The following GSTP1 variants were observed in gnomAD, a reference collection of about 807,000 sequenced individuals.
GSTP1 encodes glutathione S-transferase P.
Under a neutral mutation model 29.4 loss-of-function variants are expected in GSTP1, and 28 were observed. The observed-to-expected ratio is 0.95, with a 90% CI of 0.71 to 1.30. GSTP1 has a LOEUF of 1.30. Among genes scored for constraint, GSTP1 ranks in the 50% most tolerant of loss-of-function variants. The probability of loss-of-function intolerance (pLI) is 0.00; values close to 1 mark genes in which losing one functional copy is unlikely to be tolerated. For missense variants in GSTP1, 267 were observed against 266.1 expected (o/e 1.00, Z -0.02); for synonymous variants, 122 against 117.0 (o/e 1.04, Z -0.28).
In GSTP1 at chr11:67,586,214, G is replaced by A. The variant is rs77993400; in HGVS notation, c.444+3G>A. On this transcript the variant is annotated splice_donor_region_variant and intron_variant, in intron 6 of 6. Coordinates refer to ENST00000398606, the MANE Select transcript of GSTP1 (RefSeq NM_000852.4). ...AGACCTTCATTGTGGGAGACCAGGTGAGCATCTGGCCCCATGCTGTTCCTT... is the reference window on the plus strand; with the variant it reads ...AGACCTTCATTGTGGGAGACCAGGTAAGCATCTGGCCCCATGCTGTTCCTT... The A allele has an allele frequency of 1.2e-6, 2 of 1,602,958 alleles. No individual in the cohort carries two copies. Among genetic ancestry groups the A allele is most frequent in the Non-Finnish European group, 1.7e-6 (2 of 1,170,278 alleles).
At chr11:67,584,032 G>T in intron 1 of GSTP1, 102 bp from the exon 2 acceptor site, 3 of 952,810 alleles carry the variant, frequency 3.1e-6, no homozygotes, top group Admixed American at 2.1e-5. Flanking sequence ...AGCGCCTCGG[G>T]GAGGGATGGG....
At chr11:67,584,400 C>G (rs1867429438) in intron 2 of GSTP1, 64 bp from the exon 3 acceptor site, 1 of 904,786 alleles carries the variant, frequency 1.1e-6, no homozygotes, top group Non-Finnish European at 1.7e-6. Context: ...CCTGACCCCT[C>G]CCCGGGTTGC....
intron 2 of GSTP1, 125 bp downstream of exon 2, chr11:67,584,294 C>T: frequency 2.6e-6 from 2 of 784,130 alleles, no homozygotes; most frequent in Non-Finnish European, 4.1e-6. Flanking sequence ...CCCGGGCCTC[C>T]TTCCTGTTCC....
intron 3 of GSTP1, 42 bp downstream of exon 3, chr11:67,584,612 T>A: frequency 1.9e-6 from 3 of 1,571,706 alleles, no homozygotes; most frequent in East Asian, 4.5e-5. Context: ...GTGCTGGGCC[T>A]TAGGGGGCTG....
chr11:67,585,075 C>G (rs968844666), intron 4 of GSTP1, 63 bp from the exon 5 acceptor site: 12 of 1,075,172 alleles, frequency 1.1e-5, no homozygotes, highest in Admixed American at 1.1e-4. Context: ...TGGCCCATCC[C>G]CAGTGACTGT....
At chr11:67,583,869 C>A in intron 1 of GSTP1, 25 bp downstream of exon 1, 1 of 740,956 alleles carries the variant, frequency 1.3e-6, no homozygotes, top group Non-Finnish European at 2.5e-6. Flanking sequence ...CCCGCGTCCC[C>A]GGGGATGGGG....
chr11:67,584,402 C>A, intron 2 of GSTP1, 62 bp from the exon 3 acceptor site: 1 of 925,930 alleles, frequency 1.1e-6, no homozygotes, highest in Non-Finnish European at 1.6e-6. Flanking sequence ...TGACCCCTCC[C>A]CGGGTTGCTG....
In GSTP1 at chr11:67,586,582, T is replaced by C; in HGVS notation, c.*5T>C. Reference sequence around the variant, plus strand: ...AATGGCAACGGGAAACAGTGAGGGTTGGGGGGACTCTGAGCGGGAGGCAGA... The same window carrying C: ...AATGGCAACGGGAAACAGTGAGGGTCGGGGGGACTCTGAGCGGGAGGCAGA... On this transcript the variant is annotated 3_prime_UTR_variant, in exon 7 of 7. Coordinates refer to ENST00000398606, the MANE Select transcript of GSTP1 (RefSeq NM_000852.4). 6.2e-7 allele frequency: 1 copy of C among 1,606,932 alleles called. No homozygotes were observed. The highest frequency in any genetic ancestry group is 8.5e-7 in the Non-Finnish European group (1 of 1,175,668).
intron 4 of GSTP1, 63 bp downstream of exon 4, chr11:67,584,835 T>G (rs1180875647): frequency 8.2e-7 from 1 of 1,226,016 alleles, no homozygotes; most frequent in Non-Finnish European, 1.2e-6. Flanking sequence ...GGAGCCCTTT[T>G]GTTTAAATCA....
At chr11:67,585,461 G>T (rs999049304) in intron 5 of GSTP1, among the ~76,000 whole-genome samples, 5 of 152,186 alleles carry the variant, frequency 3.3e-5, no homozygotes, top group African/African-American at 1.2e-4. Flanking sequence ...ACGGGTCATG[G>T]GGGCGAGTGC....
chr11:67,585,005 C>G, intron 4 of GSTP1, 133 bp from the exon 5 acceptor site: 1 of 654,170 alleles, frequency 1.5e-6, no homozygotes, highest in Non-Finnish European at 2.7e-6. Flanking sequence ...AGTCTCTCAT[C>G]CTTCCACGCA....
Position 67,584,478 on chromosome 11 carries a change from C to A in GSTP1, c.52C>A (p.Leu18Met). 6.5e-7 allele frequency: 1 copy of A among 1,544,542 alleles called. No homozygotes were observed. The highest frequency in any genetic ancestry group is 8.7e-7 in the Non-Finnish European group (1 of 1,144,374). ...YFPVRGRCAALRMLLADQGQS... is the reference protein window; with the variant it reads ...YFPVRGRCAAMRMLLADQGQS... Reference sequence around the variant, plus strand: ...CCTCCCCGCAGGCCGCTGCGCGGCCCTGCGCATGCTGCTGGCAGATCAGGG... The same window carrying A: ...CCTCCCCGCAGGCCGCTGCGCGGCCATGCGCATGCTGCTGGCAGATCAGGG... The change falls in exon 3 of 7, where the codon CTG becomes ATG. Residue 18 changes from leucine (L) to methionine (M), a missense_variant. Leu to Met is a conservative substitution (Grantham distance 15, BLOSUM62 2). Coordinates refer to ENST00000398606, the MANE Select transcript of GSTP1 (RefSeq NM_000852.4).
rs2134394146 is a variant in GSTP1, at chr11:67,585,129, C to T, written c.233-9C>T. 6.3e-7 allele frequency: 1 copy of T among 1,596,412 alleles called. No homozygotes were observed. Among genetic ancestry groups the T allele is most frequent in the Non-Finnish European group, 8.6e-7 (1 of 1,164,808 alleles). On this transcript the variant is annotated splice_polypyrimidine_tract_variant and intron_variant, in intron 4 of 6. Transcript: ENST00000398606. ...GTCACGCGGCCTGCTCCCCTCCACC[C>T]AACCCCAGGGCTCTATGGGAAGGAC... is the stretch of plus-strand genomic sequence containing the variant.
At chr11:67,583,957 C>A in intron 1 of GSTP1, 113 bp downstream of exon 1, 1 of 675,688 alleles carries the variant, frequency 1.5e-6, no homozygotes, top group Non-Finnish European at 2.7e-6. Context: ...ACCTCGAGAC[C>A]CGGGACGGGG....
At position 67,584,500 on chromosome 11, in the gene GSTP1, A is replaced by T; in HGVS notation, c.74A>T (p.Gln25Leu). The T allele has an allele frequency of 6.4e-7, 1 of 1,565,068 alleles. No individual in the cohort carries two copies. Among genetic ancestry groups the T allele is most frequent in the Middle Eastern group, 1.8e-4 (1 of 5,464 alleles). ...GCCCTGCGCATGCTGCTGGCAGATC[A>T]GGGCCAGAGCTGGAAGGAGGAGGTG... Reference protein sequence around the residue: ...CAALRMLLADQGQSWKEEVVT... With the variant: ...CAALRMLLADLGQSWKEEVVT... Residue 25 changes from glutamine to leucine, a missense_variant, in exon 3 of 7, where the codon CAG becomes CTG. Coordinates refer to ENST00000398606, the MANE Select transcript of GSTP1 (RefSeq NM_000852.4).
At position 67,584,759 on chromosome 11, in the gene GSTP1, G is replaced by C. The variant is rs747145534; in HGVS notation, c.219G>C (p.Leu73=). The part of the protein sequence containing the change: ...LYQSNTILRH[L]GRTLGLYGKD... ...AGTCCAATACCATCCTGCGTCACCT[G>C]GGCCGCACCCTTGGTGAGTCTTGAA... The change falls in exon 4 of 7, where the codon CTG becomes CTC. Residue 73 remains leucine (L), a synonymous_variant. Coordinates refer to ENST00000398606, the MANE Select transcript of GSTP1 (RefSeq NM_000852.4). The C allele has an allele frequency of 1.2e-6, 2 of 1,611,164 alleles. No homozygotes were observed. Among genetic ancestry groups the C allele is most frequent in the African/African-American group, 2.7e-5 (2 of 74,898 alleles).
Position 67,585,156 on chromosome 11 carries a change from A to T in GSTP1, c.251A>T (p.Gln84Leu). 6.2e-7 allele frequency: 1 copy of T among 1,613,120 alleles called. No homozygotes were observed. The highest frequency in any genetic ancestry group is 8.5e-7 in the Non-Finnish European group (1 of 1,179,166). The change falls in exon 5 of 7, where the codon CAG becomes CTG. Residue 84 changes from glutamine to leucine, a missense_variant. Physicochemically the swap from Gln to Leu is moderately radical, Grantham distance 113 (BLOSUM62 -2). Coordinates refer to ENST00000398606, the MANE Select transcript of GSTP1 (RefSeq NM_000852.4). ...GRTLGLYGKDQQEAALVDMVN... is the reference protein window; with the variant it reads ...GRTLGLYGKDLQEAALVDMVN... Reference sequence around the variant, plus strand: ...ACCCCAGGGCTCTATGGGAAGGACCAGCAGGAGGCAGCCCTGGTGGACATG... The same window carrying T: ...ACCCCAGGGCTCTATGGGAAGGACCTGCAGGAGGCAGCCCTGGTGGACATG...
At chr11:67,584,082 C>T in intron 1 of GSTP1, 52 bp from the exon 2 acceptor site, 7 of 1,493,916 alleles carry the variant, frequency 4.7e-6, no homozygotes, top group South Asian at 3.4e-5. Flanking sequence ...GCGCTCACCG[C>T]GCCTTGGCAT....
rs1337875697 is a variant in GSTP1 at position 67,584,461 on chromosome 11, C to A, written c.38-3C>A. 9.4e-6 allele frequency: 14 copies of A among 1,487,940 alleles called. No individual in the cohort carries two copies. The highest frequency in any genetic ancestry group is 3.8e-5 in the South Asian group (3 of 78,660). 92.2% of individuals were successfully genotyped at this position (1,487,940 alleles called of 1,614,324 possible). A position where few individuals can be genotyped will look rare whatever the true frequency, so the allele number is the denominator to read the frequency against. On this transcript the variant is annotated splice_region_variant and splice_polypyrimidine_tract_variant and intron_variant, in intron 2 of 6. Coordinates refer to ENST00000398606, the MANE Select transcript of GSTP1 (RefSeq NM_000852.4). ...CACATCTCGTACTTCTCCCTCCCCG[C>A]AGGCCGCTGCGCGGCCCTGCGCATG...
Sources: allele counts gnomAD v4.1 joint callset (sites outside exome capture counted in the v4.1 genomes callset), GRCh38; gene constraint gnomAD v4.1.1; transcripts MANE v1.5; gene names NCBI Gene and HGNC (gene_info 2026-07-23, HGNC 2026-07-21).